ZBTB7C: variants seen among roughly 807,000 people sequenced by gnomAD.
The protein encoded by ZBTB7C is zinc finger and BTB domain-containing protein 7C.
A neutral mutation model predicts 25.7 loss-of-function variants in ZBTB7C; 8 were observed. The ratio of observed to expected loss-of-function variants is 0.31; its 90% CI spans 0.18 to 0.56. The LOEUF is 0.56. Ranked by LOEUF, ZBTB7C falls within the 20% of genes least tolerant of loss-of-function variation. ZBTB7C has a pLI of 0.91. For synonymous variants in ZBTB7C, 394 were observed against 369.0 expected, an observed-to-expected ratio of 1.07 and a Z score of -0.78; for missense variants, 824 against 855.2, an observed-to-expected ratio of 0.96 and a Z score of 0.46.
Position 48,040,873 on chromosome 18 carries a change from A to C in ZBTB7C, c.235T>G (p.Phe79Val). ...GCAGCCAGAGCCTCAGGCTGGACAA[A>C]GTCGATCTCATAGACGTAGGGCTGG... ...ASQPYVYEID[F>V]VQPEALAAIL... The change falls in exon 4 of 5, where the codon TTT becomes GTT. Residue 79 changes from phenylalanine to valine, a missense_variant. Phe to Val is a conservative substitution (Grantham distance 50, BLOSUM62 -1). This residue lies in a region of ZBTB7C where 117 missense variants were observed against 167.7 expected (regional missense o/e 0.70). Coordinates refer to ENST00000590800, the MANE Select transcript of ZBTB7C (RefSeq NM_001318841.2). The C allele has an allele frequency of 6.2e-7, 1 of 1,614,158 alleles. No homozygotes were observed. The highest frequency in any genetic ancestry group is 8.5e-7 in the Non-Finnish European group (1 of 1,180,036).
In ZBTB7C at chr18:48,207,959, G is replaced by A. The variant is rs115429334; in HGVS notation, c.-78-21964C>T. Among the ~76,000 whole-genome samples the A allele has an allele frequency of 6.4e-3, 976 of 151,406 alleles. 13 individuals are homozygous for A. The highest frequency in any genetic ancestry group is 0.022 in the African/African-American group (925 of 41,272). ...GAAGATGATCATGGCATGATTACAAGAGTGTTTACCTATGTGAAAATTCAT... is the reference window on the plus strand; with the variant it reads ...GAAGATGATCATGGCATGATTACAAAAGTGTTTACCTATGTGAAAATTCAT... On this transcript the variant is annotated intron_variant, in intron 2 of 4. Transcript: ENST00000590800.
chr18:48,088,069 T>G (rs1178577896), intron 3 of ZBTB7C, among the ~76,000 whole-genome samples: 1 of 152,170 alleles, frequency 6.6e-6, no homozygotes, highest in Admixed American at 6.5e-5. Flanking sequence ...CATATCCACC[T>G]TCAATCAAAT....
At chr18:48,275,452 C>T (rs1290437530) in intron 2 of ZBTB7C, among the ~76,000 whole-genome samples, 2 of 152,184 alleles carry the variant, frequency 1.3e-5, no homozygotes, top group Non-Finnish European at 2.9e-5. Flanking sequence ...TCAGTCTTTA[C>T]TCCCAATGCC....
At chr18:48,267,105 G>A (rs1310992580) in intron 2 of ZBTB7C, among the ~76,000 whole-genome samples, 1 of 152,174 alleles carries the variant, frequency 6.6e-6, no homozygotes, top group East Asian at 1.9e-4. Flanking sequence ...TTTGACTCAT[G>A]ATTAGCTTCT....
intron 1 of ZBTB7C, among the ~76,000 whole-genome samples, chr18:48,399,441 T>C (rs949179891): frequency 1.3e-5 from 2 of 152,242 alleles, no homozygotes; most frequent in Admixed American, 6.5e-5. Context: ...GAAATCCTCA[T>C]TTAAAAACAG....
chr18:48,211,411 A>G (rs1391572294), intron 2 of ZBTB7C, among the ~76,000 whole-genome samples: 1 of 152,164 alleles, frequency 6.6e-6, no homozygotes, highest in Non-Finnish European at 1.5e-5. Flanking sequence ...CAAGCCATAG[A>G]GTAGGAGAAA....
At chr18:48,038,547 CT>C (rs200367018) in intron 4 of ZBTB7C, among the ~76,000 whole-genome samples, 1,828 of 132,156 alleles carry the variant, frequency 0.014, 27 homozygotes, top group African/African-American at 0.039. Flanking sequence ...GAGGACTCAT[CT>C]TTTTTTTTTT....
chr18:48,380,179 G>A (rs952153345), intron 1 of ZBTB7C, among the ~76,000 whole-genome samples: 2 of 152,132 alleles, frequency 1.3e-5, no homozygotes, highest in African/African-American at 4.8e-5. Flanking sequence ...AAGAGGTCAG[G>A]GAATAAGGTG....
chr18:48,125,541 C>G (rs976362135), intron 3 of ZBTB7C, among the ~76,000 whole-genome samples: 2 of 152,226 alleles, frequency 1.3e-5, no homozygotes, highest in African/African-American at 2.4e-5. Context: ...TCGGCTAACC[C>G]TGTTCCCCAG....
At chr18:48,037,682 CAGAT>C (rs1450375629) in intron 4 of ZBTB7C, among the ~76,000 whole-genome samples, 1 of 152,150 alleles carries the variant, frequency 6.6e-6, no homozygotes, top group Non-Finnish European at 1.5e-5. Flanking sequence ...TCCTGAGACA[CAGAT>C]AGATCCTTTT....
At chr18:48,237,224 G>A (rs192554554) in intron 2 of ZBTB7C, among the ~76,000 whole-genome samples, 9 of 152,276 alleles carry the variant, frequency 5.9e-5, no homozygotes, top group South Asian at 2.1e-4. Context: ...TGAAAGGATC[G>A]TTCCTCTACA....
chr18:48,121,423 C>T (rs2039626694), intron 3 of ZBTB7C, among the ~76,000 whole-genome samples: 1 of 150,438 alleles, frequency 6.6e-6, no homozygotes, highest in Non-Finnish European at 1.5e-5. Context: ...TAAAAAAATG[C>T]ACTTACTGTA....
chr18:48,132,377 T>C (rs915603602), intron 3 of ZBTB7C, among the ~76,000 whole-genome samples: 6 of 152,188 alleles, frequency 3.9e-5, no homozygotes, highest in East Asian at 1.9e-4. Flanking sequence ...GGCAGATCTA[T>C]AGAGACAAAA....
At chr18:48,204,638 C>A (rs1383988410) in intron 2 of ZBTB7C, among the ~76,000 whole-genome samples, 1 of 152,132 alleles carries the variant, frequency 6.6e-6, no homozygotes, top group Admixed American at 6.5e-5. Context: ...CAAGACCATG[C>A]CTCTTGAGGA....
intron 2 of ZBTB7C, among the ~76,000 whole-genome samples, chr18:48,284,777 T>C (rs949846209): frequency 3.5e-5 from 4 of 112,862 alleles, no homozygotes; most frequent in Non-Finnish European, 6.7e-5. Flanking sequence ...GGAAACAGAG[T>C]GAGACTCGGT....
intron 1 of ZBTB7C, among the ~76,000 whole-genome samples, chr18:48,394,006 C>G (rs1189447451): frequency 6.6e-6 from 1 of 152,084 alleles, no homozygotes; most frequent in Non-Finnish European, 1.5e-5. Context: ...TCTTGGTGGC[C>G]CCAGGTCAAC....
chr18:48,249,545 C>T (rs1599187396), intron 2 of ZBTB7C, among the ~76,000 whole-genome samples: 1 of 152,166 alleles, frequency 6.6e-6, no homozygotes, highest in Admixed American at 6.5e-5. Context: ...GCATGTATTA[C>T]ATTTAGAAGA....
chr18:48,316,922 CAT>C (rs1313608532), intron 2 of ZBTB7C, among the ~76,000 whole-genome samples: 46 of 152,214 alleles, frequency 3.0e-4, no homozygotes, highest in African/African-American at 1.0e-3. Context: ...ATCCATCACA[CAT>C]GATTGCTGTG....
At chr18:48,238,041 A>C (rs2043426046) in intron 2 of ZBTB7C, among the ~76,000 whole-genome samples, 1 of 152,190 alleles carries the variant, frequency 6.6e-6, no homozygotes. Flanking sequence ...CAAAACTAGG[A>C]AAGTCCAAAA....
Sources: allele counts gnomAD v4.1 joint callset (sites outside exome capture counted in the v4.1 genomes callset), GRCh38; gene constraint gnomAD v4.1.1; regional missense constraint gnomAD v4.1.1; transcripts MANE v1.5; gene names NCBI Gene and HGNC (gene_info 2026-07-23, HGNC 2026-07-21).